Variants in FGF14 observed in about 807,000 individuals in gnomAD.
FGF14 encodes fibroblast growth factor 14.
FGF14 carries 5 observed loss-of-function variants against 25.5 expected under a neutral mutation model. The ratio of observed to expected loss-of-function variants is 0.20; its 90% CI spans 0.10 to 0.41. FGF14 has a LOEUF of 0.41. Ranked by LOEUF, FGF14 falls within the 10% of genes least tolerant of loss-of-function variation. FGF14 has a pLI of 1.00. For missense variants in FGF14, 222 were observed against 320.1 expected, an observed-to-expected ratio of 0.69 and a Z score of 2.34; for synonymous variants, 138 against 118.3, an observed-to-expected ratio of 1.17 and a Z score of -1.08.
chr13:102,033,483 G>A (rs564496833), intron 1 of FGF14, among the ~76,000 whole-genome samples: 2 of 146,192 alleles, frequency 1.4e-5, no homozygotes, highest in Non-Finnish European at 2.9e-5. Flanking sequence ...TTCAGCCTAC[G>A]CTTGCGTGTG....
At chr13:102,302,670 A>C (rs184337459) in intron 1 of FGF14, among the ~76,000 whole-genome samples, 22 of 152,216 alleles carry the variant, frequency 1.4e-4, no homozygotes, top group African/African-American at 5.1e-4. Context: ...ACAAACTCCC[A>C]AACTCAGTGA....
chr13:101,801,187 A>G (rs2040847423), intron 3 of FGF14, among the ~76,000 whole-genome samples: 1 of 152,158 alleles, frequency 6.6e-6, no homozygotes, highest in Non-Finnish European at 1.5e-5. Context: ...AACAGAACAC[A>G]AGTTCTGAAA....
At chr13:101,829,757 G>C (rs533968358) in intron 3 of FGF14, among the ~76,000 whole-genome samples, 1 of 152,002 alleles carries the variant, frequency 6.6e-6, no homozygotes, top group Non-Finnish European at 1.5e-5. Context: ...GATTCACTAG[G>C]GGTTAAGATT....
chr13:102,388,602 C>T (rs375343736), intron 1 of FGF14, among the ~76,000 whole-genome samples: 1 of 152,220 alleles, frequency 6.6e-6, no homozygotes, highest in African/African-American at 2.4e-5. Flanking sequence ...GCCTTCGATT[C>T]ATCCCTTCCT....
rs139520529 is a variant in FGF14, at chr13:102,182,930, T to C, written c.208+218541A>G. 1.4e-3 allele frequency among the ~76,000 whole-genome samples: 214 copies of C among 152,238 alleles called. 2 individuals carry two copies. In the Middle Eastern group the frequency reaches 0.02, roughly 15 times the overall value. ...TTGTGAAGCTTGTGATGTGCCACCA[T>C]AGTATAGTGTAGTTGGGACAGCAAG... On this transcript the variant is annotated intron_variant, in intron 1 of 4. Transcript: ENST00000376131.
At chr13:101,861,199 C>T (rs371502768) in intron 3 of FGF14, among the ~76,000 whole-genome samples, 11 of 152,190 alleles carry the variant, frequency 7.2e-5, no homozygotes, top group African/African-American at 2.6e-4. Flanking sequence ...GCACAGCTTT[C>T]CCAAGACAGC....
At chr13:101,894,510 C>T (rs1377669259) in intron 1 of FGF14, among the ~76,000 whole-genome samples, 1 of 152,148 alleles carries the variant, frequency 6.6e-6, no homozygotes, top group Non-Finnish European at 1.5e-5. Flanking sequence ...AACACAAAGT[C>T]CTGCCCCACA....
intron 1 of FGF14, among the ~76,000 whole-genome samples, chr13:101,883,295 C>T (rs996775023): frequency 1.3e-5 from 2 of 152,176 alleles, no homozygotes; most frequent in African/African-American, 2.4e-5. Context: ...TAACATCACC[C>T]TTAATCAATC....
At chr13:101,774,281 A>G (rs1173999526) in intron 3 of FGF14, among the ~76,000 whole-genome samples, 1 of 152,170 alleles carries the variant, frequency 6.6e-6, no homozygotes, top group Non-Finnish European at 1.5e-5. Context: ...CTGTCCAGGC[A>G]GATGTGTCTC....
intron 1 of FGF14, among the ~76,000 whole-genome samples, chr13:102,156,296 A>G (rs926630212): frequency 6.6e-6 from 1 of 152,206 alleles, no homozygotes; most frequent in Admixed American, 6.5e-5. Context: ...GCAGCACATC[A>G]AAAAGCTTAT....
At chr13:101,929,067 C>A (rs1055067105) in intron 1 of FGF14, among the ~76,000 whole-genome samples, 1 of 152,148 alleles carries the variant, frequency 6.6e-6, no homozygotes, top group African/African-American at 2.4e-5. Context: ...TACATTAATG[C>A]GTCTATTGAG....
intron 1 of FGF14, among the ~76,000 whole-genome samples, chr13:102,183,232 C>A (rs1304368909): frequency 1.3e-5 from 2 of 152,048 alleles, no homozygotes; most frequent in Non-Finnish European, 2.9e-5. Flanking sequence ...AGAATTTATT[C>A]CCCTAAGGAT....
intron 1 of FGF14, among the ~76,000 whole-genome samples, chr13:102,194,981 A>G (rs577383766): frequency 6.6e-6 from 1 of 152,322 alleles, no homozygotes; most frequent in South Asian, 2.1e-4. Flanking sequence ...TGAAAGAAAA[A>G]TACTGTCAAA....
At chr13:102,286,017 A>T (rs1007092210) in intron 1 of FGF14, among the ~76,000 whole-genome samples, 2 of 152,236 alleles carry the variant, frequency 1.3e-5, no homozygotes, top group Non-Finnish European at 2.9e-5. Context: ...ACTGGAATTT[A>T]TATCCAGAAC....
intron 3 of FGF14, among the ~76,000 whole-genome samples, chr13:101,730,154 G>A (rs1395385670): frequency 2.6e-5 from 4 of 152,110 alleles, no homozygotes; most frequent in African/African-American, 9.7e-5. Flanking sequence ...AATATGCAAG[G>A]GAATAATAAT....
chr13:102,051,230 C>T (rs2042203802), intron 1 of FGF14, among the ~76,000 whole-genome samples: 1 of 152,180 alleles, frequency 6.6e-6, no homozygotes, highest in African/African-American at 2.4e-5. Flanking sequence ...GAGAGCTAGG[C>T]CCCACCCCAA....
At chr13:102,054,534 C>T (rs1017296923) in intron 1 of FGF14, among the ~76,000 whole-genome samples, 6 of 152,070 alleles carry the variant, frequency 3.9e-5, no homozygotes, top group African/African-American at 1.4e-4. Context: ...CAGTCTGTTC[C>T]CCATTGGTTA....
chr13:102,251,713 G>A (rs1345480991), intron 1 of FGF14, among the ~76,000 whole-genome samples: 1 of 152,126 alleles, frequency 6.6e-6, no homozygotes, highest in Non-Finnish European at 1.5e-5. Context: ...TTGGAACCCA[G>A]TATCCCTCGT....
chr13:101,806,062 T>C (rs2041179434), intron 3 of FGF14, among the ~76,000 whole-genome samples: 1 of 152,026 alleles, frequency 6.6e-6, no homozygotes, highest in South Asian at 2.1e-4. Context: ...TGAAAATATA[T>C]AATGTATATA....
Sources: allele counts gnomAD v4.1 joint callset (sites outside exome capture counted in the v4.1 genomes callset), GRCh38; gene constraint gnomAD v4.1.1; transcripts MANE v1.5; gene names NCBI Gene and HGNC (gene_info 2026-07-23, HGNC 2026-07-21).